Variants in ZNF710 observed in about 807,000 individuals in gnomAD.
ZNF710 encodes zinc finger protein 710.
A neutral mutation model predicts 50.6 loss-of-function variants in ZNF710; 13 were observed. The observed-to-expected ratio is 0.26, with a 90% CI of 0.17 to 0.41. The LOEUF (loss-of-function observed/expected upper bound fraction) is 0.41. Among genes scored for constraint, ZNF710 ranks in the 10% least tolerant of loss-of-function variants. The pLI is 1.00. For synonymous variants in ZNF710, 383 were observed against 397.0 expected, an observed-to-expected ratio of 0.96 and a Z score of 0.42; for missense variants, 721 against 936.6, an observed-to-expected ratio of 0.77 and a Z score of 3.01.
At chr15:90,006,530 C>T (rs181009687) in intron 1 of ZNF710, among the ~76,000 whole-genome samples, 1 of 152,294 alleles carries the variant, frequency 6.6e-6, no homozygotes, top group Admixed American at 6.5e-5. Context: ...CTAATAATTA[C>T]ACAAATACTC....
chr15:90,074,572 C>A, intron 4 of ZNF710: 2 of 1,322,364 alleles, frequency 1.5e-6, no homozygotes, highest in Non-Finnish European at 2.0e-6. Flanking sequence ...TTTATTAACT[C>A]ATGTGATCCT....
chr15:90,062,697 G>T lies in ZNF710; in HGVS notation c.-28-4413G>T, dbSNP rs2151520818. Among the ~76,000 whole-genome samples the T allele has an allele frequency of 6.6e-6, 1 of 152,310 alleles. No individual in the cohort carries two copies. Among genetic ancestry groups the T allele is most frequent in the South Asian group, 2.1e-4 (1 of 4,830 alleles). On this transcript the variant is annotated intron_variant, in intron 1 of 4. Coordinates refer to ENST00000268154, the MANE Select transcript of ZNF710 (RefSeq NM_198526.4). This position sits in a 1 kb window ranked among gnomAD's most constrained non-coding sequence, Gnocchi z 5.6. ...TGAGGAGACACGAGGCACAATGCTG[G>T]CCCAGGAGGAGGGAGAACAGAGTGA...
intron 2 of ZNF710, among the ~76,000 whole-genome samples, chr15:90,071,679 C>T (rs11361201): frequency 0.37 from 35,288 of 95,072 alleles, 7,392 homozygotes; most frequent in African/African-American, 0.64. Flanking sequence ...TATTTTTACT[C>T]TTTTTTTTTT....
In ZNF710 at chr15:90,073,251, T is replaced by C; in HGVS notation, c.1639T>C (p.Phe547Leu). Residue 547 changes from phenylalanine to leucine, a missense_variant, in exon 3 of 5, where the codon TTC (phenylalanine) becomes CTC (leucine). Transcript: ENST00000268154. Reference sequence around the variant, plus strand: ...GATTGTACACTCGCCCGTGAAGCCATTCAAATGCAAGGTACCCGGTCATCA... The same window carrying C: ...GATTGTACACTCGCCCGTGAAGCCACTCAAATGCAAGGTACCCGGTCATCA... ...HMIVHSPVKP[F>L]KCKVCGKSFN... is the part of the protein sequence containing the mutation. The C allele has an allele frequency of 6.2e-7, 1 of 1,612,688 alleles. No homozygotes were observed. The highest frequency in any genetic ancestry group is 8.5e-7 in the Non-Finnish European group (1 of 1,178,818).
At chr15:90,024,069 G>A (rs774114587) in intron 1 of ZNF710, among the ~76,000 whole-genome samples, 1 of 151,876 alleles carries the variant, frequency 6.6e-6, no homozygotes, top group Non-Finnish European at 1.5e-5. Context: ...CAAGGACCAG[G>A]TTTATAGAGA....
chr15:90,072,516 G>C (rs1460292273), intron 2 of ZNF710, among the ~76,000 whole-genome samples: 2 of 152,176 alleles, frequency 1.3e-5, no homozygotes, highest in South Asian at 2.1e-4. Flanking sequence ...GCCATTTTTG[G>C]GGGGGTGTCC....
Position 90,019,187 on chromosome 15 carries a change from C to CTTTTTTTTTTTTTTTTTTT in ZNF710, c.-29+17577_-29+17595dup, listed in dbSNP as rs11285838. On this transcript the variant is annotated intron_variant, in intron 1 of 4. Transcript: ENST00000268154. Reference sequence around the variant, plus strand: ...TGTACCATCTTATTACTTTTTCTTTCTTTTTTTTTTTTTTTTTTTTTTGCT... The same window carrying CTTTTTTTTTTTTTTTTTTT: ...TGTACCATCTTATTACTTTTTCTTTCTTTTTTTTTTTTTTTTTTTTTTTTTTTTTTTTTTTTTTTTTGCT... 5.0e-3 allele frequency among the ~76,000 whole-genome samples: 451 copies of CTTTTTTTTTTTTTTTTTTT among 89,398 alleles called. 1 individual carries two copies. The highest frequency in any genetic ancestry group is 5.7e-3 in the Non-Finnish European group (278 of 48,510). 58.6% of individuals were successfully genotyped at this position (89,398 alleles called of 152,430 possible). A position where few individuals can be genotyped will look rare whatever the true frequency, so the allele number is the denominator to read the frequency against.
intron 2 of ZNF710, among the ~76,000 whole-genome samples, chr15:90,070,510 A>G (rs1900342523): frequency 6.6e-6 from 1 of 151,710 alleles, no homozygotes. Flanking sequence ...TGGCTCTACT[A>G]AAAATATTTT....
At chr15:90,023,844 A>G (rs902597160) in intron 1 of ZNF710, among the ~76,000 whole-genome samples, 1 of 152,038 alleles carries the variant, frequency 6.6e-6, no homozygotes, top group African/African-American at 2.4e-5. Context: ...CAAAAATACA[A>G]AAAAATTAGC....
intron 1 of ZNF710, among the ~76,000 whole-genome samples, chr15:90,018,457 C>T (rs1020745443): frequency 6.6e-6 from 1 of 152,172 alleles, no homozygotes; most frequent in Non-Finnish European, 1.5e-5. Flanking sequence ...CGTGAGCCAC[C>T]GCGCCCAGCT....
At chr15:90,078,749 G>A (rs888916930) in intron 4 of ZNF710, among the ~76,000 whole-genome samples, 1 of 152,226 alleles carries the variant, frequency 6.6e-6, no homozygotes, top group African/African-American at 2.4e-5. Context: ...TAAGTGCCAA[G>A]GTTGAGAAAG....
chr15:90,062,254 C>T lies in ZNF710; in HGVS notation c.-28-4856C>T, dbSNP rs1900033811. ...TCTCTCTCTGATATGTCCTCCCTTCCCCCACTCCCAGCACAACTACAATCA... is the reference window on the plus strand; with the variant it reads ...TCTCTCTCTGATATGTCCTCCCTTCTCCCACTCCCAGCACAACTACAATCA... On this transcript the variant is annotated intron_variant, in intron 1 of 4. Coordinates refer to ENST00000268154, the MANE Select transcript of ZNF710 (RefSeq NM_198526.4). The surrounding 1 kb of genome is among the most constrained non-coding windows in gnomAD (Gnocchi z 5.6). 6.6e-6 allele frequency among the ~76,000 whole-genome samples: 1 copy of T among 151,504 alleles called. No individual in the cohort carries two copies. The highest frequency in any genetic ancestry group is 2.4e-5 in the African/African-American group (1 of 41,050).
intron 1 of ZNF710, among the ~76,000 whole-genome samples, chr15:90,046,128 G>A (rs1899453478): frequency 2.0e-5 from 3 of 152,154 alleles, no homozygotes; most frequent in African/African-American, 7.2e-5. Flanking sequence ...CTGGGAGGGA[G>A]CCCTGAGATG....
rs148645873 is a variant in ZNF710 at position 90,071,461 on chromosome 15, AG to A, written c.1459-1605del. Among the ~76,000 whole-genome samples, 55 of 152,088 alleles carry A rather than the reference AG, an allele frequency of 3.6e-4. No homozygotes were observed. In the East Asian group the frequency reaches 5.4e-3, roughly 15 times the overall value. ...TCATACACATCTGCGATGTGTCAGGAGGGGGTATACAGCACAAGACACAGTC... is the reference window on the plus strand; with the variant it reads ...TCATACACATCTGCGATGTGTCAGGAGGGGTATACAGCACAAGACACAGTC... On this transcript the variant is annotated intron_variant, in intron 2 of 4. Coordinates refer to ENST00000268154, the MANE Select transcript of ZNF710 (RefSeq NM_198526.4).
intron 1 of ZNF710, among the ~76,000 whole-genome samples, chr15:90,029,553 G>A (rs1025393569): frequency 2.0e-5 from 3 of 152,132 alleles, no homozygotes; most frequent in African/African-American, 7.2e-5. Flanking sequence ...GATCGCTTGC[G>A]GCCAGGAGAT....
rs529948291 is a variant in ZNF710, at chr15:90,073,381, C to G, written c.1650+119C>G. ...TGGCCAGTGCGGGCAAGAGGAGCCC[C>G]GGCTGGGTGAAACTTAGCCTGGGCT... On this transcript the variant is annotated intron_variant, in intron 3 of 4. Coordinates refer to ENST00000268154, the MANE Select transcript of ZNF710 (RefSeq NM_198526.4). The G allele has an allele frequency of 3.3e-6, 4 of 1,226,874 alleles. 1 individual carries two copies. In the East Asian group the frequency reaches 7.1e-5, roughly 22 times the overall value. The allele number at this position is 1,226,874 out of a possible 1,614,324, so 76.0% of individuals were successfully genotyped here. A position where few individuals can be genotyped will look rare whatever the true frequency, so the allele number is the denominator to read the frequency against.
At chr15:90,058,104 G>A (rs1899882553) in intron 1 of ZNF710, among the ~76,000 whole-genome samples, 1 of 152,138 alleles carries the variant, frequency 6.6e-6, no homozygotes, top group Non-Finnish European at 1.5e-5. Context: ...CCCGGGCCTG[G>A]GGAATGGATC....
chr15:90,024,854 C>G (rs1398500625), intron 1 of ZNF710: 1 of 152,218 alleles, frequency 6.6e-6, no homozygotes, highest in African/African-American at 2.4e-5. Context: ...CCAAGGTGAA[C>G]ATCGGCCACC....
chr15:90,066,046 C>T (rs920434065), intron 1 of ZNF710, among the ~76,000 whole-genome samples: 3 of 152,042 alleles, frequency 2.0e-5, no homozygotes, highest in South Asian at 4.1e-4. Context: ...ACATGGAACT[C>T]CAACGTATAA....
Sources: gnomAD v4.1 joint callset for allele counts (sites outside exome capture counted in the v4.1 genomes callset) on GRCh38, gnomAD v4.1.1 for gene constraint, Gnocchi (gnomAD v3.1) non-coding constraint, MANE v1.5 for transcripts, NCBI Gene and HGNC (gene_info 2026-07-23, HGNC 2026-07-21) for gene names.